SLC14A2: variants seen among roughly 807,000 people sequenced by gnomAD.
The protein encoded by SLC14A2 is solute carrier family 14 member 2, also known as urea transporter 2.
SLC14A2 carries 91 observed loss-of-function variants against 104.6 expected under a neutral mutation model. That is an observed-to-expected ratio of 0.87 (90% CI 0.73 to 1.04). SLC14A2 has a LOEUF of 1.04. Ranked by LOEUF, SLC14A2 falls within the 50% of genes least tolerant of loss-of-function variation. The pLI is 0.00. For missense variants in SLC14A2, 1,189 were observed against 1,156.0 expected (o/e 1.03, Z -0.41); for synonymous variants, 476 against 466.4 (o/e 1.02, Z -0.27).
chr18:45,492,817 A>T (rs1044404111), intron 2 of SLC14A2, among the ~76,000 whole-genome samples: 2 of 152,200 alleles, frequency 1.3e-5, no homozygotes, highest in African/African-American at 4.8e-5. Context: ...AAAAAAGAGG[A>T]TAGATGAGGT....
At chr18:45,403,603 A>C in intron 1 of SLC14A2, among the ~76,000 whole-genome samples, 1 of 152,118 alleles carries the variant, frequency 6.6e-6, no homozygotes, top group East Asian at 1.9e-4. Context: ...GGAGCATGGC[A>C]ACAGGCAGGA....
intron 1 of SLC14A2, among the ~76,000 whole-genome samples, chr18:45,399,349 G>A (rs775320357): frequency 5.3e-5 from 8 of 152,178 alleles, no homozygotes; most frequent in Non-Finnish European, 8.8e-5. Context: ...AGTGCTGAGC[G>A]TGAGATTGTG....
chr18:45,477,026 T>A (rs1205872793), intron 1 of SLC14A2, among the ~76,000 whole-genome samples: 1 of 152,226 alleles, frequency 6.6e-6, no homozygotes, highest in Non-Finnish European at 1.5e-5. Context: ...ATTCCCTTGC[T>A]GGCGGGGAGT....
chr18:45,358,062 A>G (rs35822179), intron 1 of SLC14A2, among the ~76,000 whole-genome samples: 71 of 152,242 alleles, frequency 4.7e-4, no homozygotes, highest in Non-Finnish European at 1.9e-4. Flanking sequence ...CAGAGCAGAG[A>G]GGTTTGGTGG....
At chr18:45,345,361 T>A (rs2085437535) in intron 1 of SLC14A2, among the ~76,000 whole-genome samples, 1 of 152,202 alleles carries the variant, frequency 6.6e-6, no homozygotes, top group African/African-American at 2.4e-5. Flanking sequence ...AGAGACAGAT[T>A]TTTTAAAGGC....
intron 1 of SLC14A2, among the ~76,000 whole-genome samples, chr18:45,443,013 G>A (rs2086705155): frequency 6.6e-6 from 1 of 152,068 alleles, no homozygotes; most frequent in African/African-American, 2.4e-5. Context: ...TTTTATATGT[G>A]CATGTTTTGA....
At chr18:45,625,920 C>A in intron 3 of SLC14A2, 57 bp downstream of exon 3, 1 of 1,284,538 alleles carries the variant, frequency 7.8e-7, no homozygotes, top group South Asian at 2.1e-5. Context: ...AGAGACAACC[C>A]TCTCTCCGGT....
At chr18:45,633,959 A>G (rs2045381802) in intron 5 of SLC14A2, among the ~76,000 whole-genome samples, 1 of 152,174 alleles carries the variant, frequency 6.6e-6, no homozygotes, top group Non-Finnish European at 1.5e-5. Context: ...GCCTGTGAAA[A>G]GGAGAACTTG....
At chr18:45,222,283 T>A (rs1213436515) in intron 1 of SLC14A2, among the ~76,000 whole-genome samples, 1 of 152,218 alleles carries the variant, frequency 6.6e-6, no homozygotes, top group Non-Finnish European at 1.5e-5. Flanking sequence ...GTATGTTGCT[T>A]GAATGTTGGT....
intron 2 of SLC14A2, among the ~76,000 whole-genome samples, chr18:45,587,053 T>C (rs1333278970): frequency 1.3e-5 from 2 of 152,106 alleles, no homozygotes; most frequent in Non-Finnish European, 2.9e-5. Flanking sequence ...AGTTGTGCGA[T>C]CGCAGCTCAC....
chr18:45,506,971 C>T (rs1393772957), intron 2 of SLC14A2, among the ~76,000 whole-genome samples: 1 of 152,232 alleles, frequency 6.6e-6, no homozygotes, highest in Non-Finnish European at 1.5e-5. Flanking sequence ...TATCACCACT[C>T]ACCAGCTATA....
chr18:45,454,943 C>T (rs1396938956), intron 1 of SLC14A2, among the ~76,000 whole-genome samples: 2 of 152,160 alleles, frequency 1.3e-5, no homozygotes, highest in Non-Finnish European at 2.9e-5. Context: ...AGCGTGATGC[C>T]TCCAGCTTTG....
At chr18:45,421,034 C>T (rs1327842980) in intron 1 of SLC14A2, among the ~76,000 whole-genome samples, 4 of 152,098 alleles carry the variant, frequency 2.6e-5, no homozygotes, top group South Asian at 2.1e-4. Flanking sequence ...CCACCGCACC[C>T]GGCCTGATTT....
intron 2 of SLC14A2, among the ~76,000 whole-genome samples, chr18:45,484,972 T>C (rs1318500208): frequency 6.6e-6 from 1 of 152,228 alleles, no homozygotes. Flanking sequence ...CCACAATTGC[T>C]GTTTCTTGTA....
chr18:45,171,545 A>G, the SLC14A2 span, among the ~76,000 whole-genome samples: 1 of 152,170 alleles, frequency 6.6e-6, no homozygotes, highest in Non-Finnish European at 1.5e-5. Flanking sequence ...AAATTTAGGT[A>G]GATATGATTC....
At chr18:45,275,641 C>T (rs1013522969) in intron 1 of SLC14A2, among the ~76,000 whole-genome samples, 3 of 152,176 alleles carry the variant, frequency 2.0e-5, no homozygotes, top group Non-Finnish European at 2.9e-5. Context: ...ATTGTGCATG[C>T]TTATTTAAGG....
intron 1 of SLC14A2, among the ~76,000 whole-genome samples, chr18:45,273,985 G>A (rs1268076570): frequency 1.3e-5 from 2 of 152,112 alleles, no homozygotes; most frequent in African/African-American, 4.8e-5. Flanking sequence ...TTAATTCTAA[G>A]ACAGAACTAA....
intron 5 of SLC14A2, among the ~76,000 whole-genome samples, chr18:45,633,869 G>A (rs1179249239): frequency 6.6e-6 from 1 of 151,930 alleles, no homozygotes; most frequent in Non-Finnish European, 1.5e-5. Context: ...TTCCTCTTAG[G>A]GTTTCGTTCT....
the SLC14A2 span, among the ~76,000 whole-genome samples, chr18:45,197,686 A>G: frequency 6.6e-6 from 1 of 152,234 alleles, no homozygotes; most frequent in Non-Finnish European, 1.5e-5. Flanking sequence ...AGGACTCTTG[A>G]GCAGCACTAC....
Sources: allele counts gnomAD v4.1 joint callset (sites outside exome capture counted in the v4.1 genomes callset), GRCh38; gene constraint gnomAD v4.1.1; transcripts MANE v1.5; gene names NCBI Gene and HGNC (gene_info 2026-07-23, HGNC 2026-07-21).